SLC16A4: variants seen among roughly 807,000 people sequenced by gnomAD.
SLC16A4 encodes probable monocarboxylate transporter 5.
In SLC16A4, 39 loss-of-function variants were observed where a neutral mutation model predicts 47.9. That is an observed-to-expected ratio of 0.81 (90% CI 0.63 to 1.06). The LOEUF (loss-of-function observed/expected upper bound fraction) is 1.06, where lower values mean the gene tolerates loss of function less well. Among genes scored for constraint, SLC16A4 ranks in the 50% least tolerant of loss-of-function variants. The pLI, the probability that SLC16A4 is intolerant of heterozygous loss-of-function variation, is 0.00. For missense variants in SLC16A4, 524 were observed against 573.8 expected (o/e 0.91, Z 0.89); for synonymous variants, 189 against 199.9 (o/e 0.95, Z 0.46).
intron 8 of SLC16A4, chr1:110,370,774 A>G (rs971193249): frequency 6.6e-6 from 1 of 152,234 alleles, no homozygotes; most frequent in African/African-American, 2.4e-5. Context: ...TGGTGGGGGA[A>G]AAATACTCGT....
intron 8 of SLC16A4, chr1:110,371,507 C>T (rs1202715908): frequency 1.3e-5 from 2 of 152,172 alleles, no homozygotes; most frequent in Non-Finnish European, 2.9e-5. Flanking sequence ...CTGCCCAAGG[C>T]ACTATTTTTG....
chr1:110,378,860 A>G lies in SLC16A4; in HGVS notation c.1023T>C (p.Ser341=), dbSNP rs1346301611. 1 of 1,605,410 alleles carries G rather than the reference A, an allele frequency of 6.2e-7. No homozygotes were observed. Among genetic ancestry groups the G allele is most frequent in the East Asian group, 2.2e-5 (1 of 44,774 alleles). Residue 341 remains serine (S), a synonymous_variant, in exon 6 of 9, where the codon TCT becomes TCC. Transcript: ENST00000369779. The stretch of plus-strand genomic sequence containing the variant: ...TGATGTAGGCTTTCTTACCTGCTAC[A>G]GAAACAAGGTAAGAGGCATCCATGA... ...IDIMDASYLV[S]VAGILETVSQ...
intron 2 of SLC16A4, among the ~76,000 whole-genome samples, chr1:110,385,263 T>G (rs1185898943): frequency 6.6e-6 from 1 of 152,194 alleles, no homozygotes; most frequent in Non-Finnish European, 1.5e-5. Flanking sequence ...GCAAACAACT[T>G]CGCACGTCAC....
At position 110,375,615 on chromosome 1, in the gene SLC16A4, A is replaced by G. The variant is rs1476985714; in HGVS notation, c.1243-64T>C. On this transcript the variant is annotated intron_variant, in intron 7 of 8. Coordinates refer to ENST00000369779, the MANE Select transcript of SLC16A4 (RefSeq NM_004696.3). ...TGAAATTCTATAGAGACCTATGCCTAAAAGGGACAAATACTATTTATATCA... is the reference window on the plus strand; with the variant it reads ...TGAAATTCTATAGAGACCTATGCCTGAAAGGGACAAATACTATTTATATCA... 1.7e-5 allele frequency: 15 copies of G among 869,572 alleles called. No individual in the cohort carries two copies. In the East Asian group the frequency reaches 3.6e-4, roughly 21 times the overall value. 53.9% of individuals were successfully genotyped at this position (869,572 alleles called of 1,614,324 possible).
chr1:110,374,586 T>TC (rs1661880949), intron 8 of SLC16A4, among the ~76,000 whole-genome samples: 1 of 152,230 alleles, frequency 6.6e-6, no homozygotes, highest in Non-Finnish European at 1.5e-5. Context: ...TAGAAATACT[T>TC]CTGTGTGAGT....
rs550904576 is a variant in SLC16A4 at position 110,373,177 on chromosome 1, A to G, written c.1336+2281T>C. 2.0e-5 allele frequency among the ~76,000 whole-genome samples: 3 copies of G among 152,320 alleles called. No homozygotes were observed. The South Asian group carries it at 6.2e-4, about 32-fold the overall frequency. ...ACTATTTAAACATTTTATTTTAAGA[A>G]GTATACAAAGACACATAGGACATTA... On this transcript the variant is annotated intron_variant, in intron 8 of 8. Transcript: ENST00000369779.
chr1:110,386,365 C>T (rs1158628500), intron 2 of SLC16A4, among the ~76,000 whole-genome samples: 2 of 152,220 alleles, frequency 1.3e-5, no homozygotes, highest in South Asian at 2.1e-4. Flanking sequence ...ATTTAGCAGA[C>T]TACATAAATC....
chr1:110,388,716 C>CTGTT (rs917161309), intron 2 of SLC16A4, among the ~76,000 whole-genome samples: 1 of 152,110 alleles, frequency 6.6e-6, no homozygotes, highest in Non-Finnish European at 1.5e-5. Flanking sequence ...AGGAACACTT[C>CTGTT]TGTTTGTTTG....
rs1219754035 is a variant in SLC16A4 at position 110,375,343 on chromosome 1, G to A, written c.1336+115C>T. The A allele has an allele frequency of 4.4e-6, 3 of 682,410 alleles. No individual in the cohort carries two copies. In the African/African-American group the frequency reaches 5.4e-5, roughly 12 times the overall value. The allele number at this position is 682,410 out of a possible 1,614,324, so 42.3% of individuals were successfully genotyped here. A position where few individuals can be genotyped will look rare whatever the true frequency, so the allele number is the denominator to read the frequency against. ...GGAGTGAGTAGATATAGGAAAAGCA[G>A]AAATAATCTGTTTCTTTTAACCTGA... On this transcript the variant is annotated intron_variant, in intron 8 of 8. Transcript: ENST00000369779.
chr1:110,375,240 A>G (rs1352987383), intron 8 of SLC16A4: 3 of 482,634 alleles, frequency 6.2e-6, no homozygotes, highest in East Asian at 3.1e-5. Context: ...ACAACTCCCA[A>G]GAATATAAGA....
At chr1:110,378,124 C>T (rs557833033) in intron 6 of SLC16A4, among the ~76,000 whole-genome samples, 4 of 152,256 alleles carry the variant, frequency 2.6e-5, no homozygotes, top group East Asian at 3.9e-4. Context: ...CCACCACGCC[C>T]GGCCAGTTGT....
chr1:110,387,223 A>G (rs1662778577), intron 2 of SLC16A4, among the ~76,000 whole-genome samples: 1 of 152,204 alleles, frequency 6.6e-6, no homozygotes, highest in Non-Finnish European at 1.5e-5. Flanking sequence ...ATGAGCATAT[A>G]CTCATGAGCA....
In SLC16A4 at chr1:110,389,429, G is replaced by A. The variant is rs367548505; in HGVS notation, c.-32-74C>T. On this transcript the variant is annotated intron_variant, in intron 1 of 8. Transcript: ENST00000369779. ...AACTTTTAAACTTTTTATCTGAAAGGGAACGTTCATACATTGTTGGTGGGA... is the reference window on the plus strand; with the variant it reads ...AACTTTTAAACTTTTTATCTGAAAGAGAACGTTCATACATTGTTGGTGGGA... 59 of 925,966 alleles carry A rather than the reference G, an allele frequency of 6.4e-5. No homozygotes were observed. The South Asian group carries it at 8.2e-4, about 13-fold the overall frequency. 57.4% of individuals were successfully genotyped at this position (925,966 alleles called of 1,614,324 possible).
intron 6 of SLC16A4, 34 bp from the exon 7 acceptor site, chr1:110,377,195 GTCCCTT>G (rs1662056509): frequency 1.9e-6 from 3 of 1,570,698 alleles, no homozygotes; most frequent in Non-Finnish European, 2.6e-6. Flanking sequence ...TATTTTCCTG[GTCCCTT>G]TGAAAAATGT....
chr1:110,387,351 C>G (rs1662788412), intron 2 of SLC16A4, among the ~76,000 whole-genome samples: 1 of 152,140 alleles, frequency 6.6e-6, no homozygotes, highest in Admixed American at 6.5e-5. Flanking sequence ...ATCTCTCTCT[C>G]TTTTTTTAAG....
At chr1:110,382,714 A>G in intron 3 of SLC16A4, 120 bp downstream of exon 3, 6 of 994,480 alleles carry the variant, frequency 6.0e-6, no homozygotes, top group Non-Finnish European at 2.8e-6. Flanking sequence ...TCAGCGTTAC[A>G]TATCAGTAAA....
chr1:110,380,997 G>A lies in SLC16A4; in HGVS notation c.511C>T (p.Leu171=). The change falls in exon 5 of 9, where the codon CTG becomes TTG. Residue 171 remains leucine, a synonymous_variant. Coordinates refer to ENST00000369779, the MANE Select transcript of SLC16A4 (RefSeq NM_004696.3). ...AATGACGTACCTGTCCAGTCATACA[G>A]ATCTATCAGGAATTTTGTAAAGGGT... ...LAPFTKFLID[L]YDWTGALILF... is the part of the protein sequence containing the mutation. 6.2e-7 allele frequency: 1 copy of A among 1,614,012 alleles called. No homozygotes were observed. The highest frequency in any genetic ancestry group is 1.1e-5 in the South Asian group (1 of 91,080).
At chr1:110,380,834 G>T in intron 5 of SLC16A4, 148 bp downstream of exon 5, 1 of 703,438 alleles carries the variant, frequency 1.4e-6, no homozygotes. Context: ...AGAGAAGCAT[G>T]TTTACTTTAG....
At position 110,381,058 on chromosome 1, in the gene SLC16A4, A is replaced by C. The variant is rs937828543; in HGVS notation, c.450T>G (p.Ile150Met). The C allele has an allele frequency of 3.1e-6, 5 of 1,614,130 alleles. No homozygotes were observed. The highest frequency in any genetic ancestry group is 4.2e-6 in the Non-Finnish European group (5 of 1,179,962). The change falls in exon 5 of 9, where the codon ATT (isoleucine) becomes ATG (methionine). Residue 150 changes from isoleucine (I) to methionine (M), a missense_variant. By Grantham distance (10) the Ile-to-Met change is conservative. Coordinates refer to ENST00000369779, the MANE Select transcript of SLC16A4 (RefSeq NM_004696.3). ...AAGTCAGTCCCATCCCAGAACGGGC[A>C]ATAGCTGTAGAAAGAGCCAATCGTT... ...FKKRLALSTAIARSGMGLTFL... is the reference protein window; with the variant it reads ...FKKRLALSTAMARSGMGLTFL...
Sources: gnomAD v4.1 joint callset for allele counts (sites outside exome capture counted in the v4.1 genomes callset) on GRCh38, gnomAD v4.1.1 for gene constraint, MANE v1.5 for transcripts, NCBI Gene and HGNC (gene_info 2026-07-23, HGNC 2026-07-21) for gene names.